SORCS1: variants seen among roughly 807,000 people sequenced by gnomAD.
SORCS1 encodes the protein sortilin related VPS10 domain containing receptor 1.
SORCS1 carries 60 observed loss-of-function variants against 146.1 expected under a neutral mutation model. The observed-to-expected ratio is 0.41, with a 90% CI of 0.33 to 0.51. The LOEUF (loss-of-function observed/expected upper bound fraction) is 0.51, where lower values mean the gene tolerates loss of function less well. Among genes scored for constraint, SORCS1 ranks in the 20% least tolerant of loss-of-function variants. The pLI is 0.21. For synonymous variants in SORCS1, 637 were observed against 584.0 expected (o/e 1.09, Z -1.31); for missense variants, 1,352 against 1,487.6 (o/e 0.91, Z 1.50).
At chr10:107,107,090 G>A (rs145944679) in intron 1 of SORCS1, among the ~76,000 whole-genome samples, 5 of 152,332 alleles carry the variant, frequency 3.3e-5, no homozygotes, top group African/African-American at 9.6e-5. Context: ...AGAACTAGGA[G>A]TGCTGCTATC....
At position 106,574,369 on chromosome 10, in the gene SORCS1, C is replaced by T. The variant is rs1844491017; in HGVS notation, c.*3051G>A. 6.6e-6 allele frequency: 1 copy of T among 152,572 alleles called. No homozygotes were observed. Among genetic ancestry groups the T allele is most frequent in the African/African-American group, 2.4e-5 (1 of 41,422 alleles). 9.5% of individuals were successfully genotyped at this position (152,572 alleles called of 1,614,324 possible). ...AATCTTACCTTCCACATACATCCCT[C>T]CCTACACACTCCTCTGACCTTAAGC... On this transcript the variant is annotated 3_prime_UTR_variant, in exon 26 of 26. Coordinates refer to ENST00000263054, the MANE Select transcript of SORCS1 (RefSeq NM_052918.5).
Position 107,023,872 on chromosome 10 carries a change from C to T in SORCS1, c.559-67292G>A, listed in dbSNP as rs1958265274. Among the ~76,000 whole-genome samples the T allele has an allele frequency of 2.6e-5, 4 of 151,878 alleles. No individual in the cohort carries two copies. The South Asian group carries it at 8.3e-4, about 32-fold the overall frequency. ...GGAAGGTCTTAGTTTATTTGTGTTG[C>T]TCTAAAAAAAAGAGAAACAAAAAGA... On this transcript the variant is annotated intron_variant, in intron 1 of 25. Transcript: ENST00000263054.
intron 2 of SORCS1, among the ~76,000 whole-genome samples, chr10:106,938,775 T>A (rs979349239): frequency 6.6e-6 from 1 of 152,184 alleles, no homozygotes; most frequent in African/African-American, 2.4e-5. Context: ...CATCAGAACA[T>A]CAACCCCTGA....
intron 1 of SORCS1, among the ~76,000 whole-genome samples, chr10:106,967,299 A>C (rs1955540197): frequency 6.6e-6 from 1 of 152,154 alleles, no homozygotes; most frequent in Admixed American, 6.5e-5. Context: ...ACCACTGCAT[A>C]TTCTTCTTCC....
At chr10:107,152,429 G>A (rs529185551) in intron 1 of SORCS1, among the ~76,000 whole-genome samples, 142 of 152,284 alleles carry the variant, frequency 9.3e-4, no homozygotes, top group African/African-American at 3.0e-3. Flanking sequence ...TAGATCCACC[G>A]ACAACTTGTT....
intron 9 of SORCS1, among the ~76,000 whole-genome samples, chr10:106,695,867 G>C (rs1428856850): frequency 6.6e-6 from 1 of 152,088 alleles, no homozygotes; most frequent in Non-Finnish European, 1.5e-5. Flanking sequence ...TCAACACTTT[G>C]TCTCCAGCAT....
intron 6 of SORCS1, among the ~76,000 whole-genome samples, chr10:106,729,661 G>T (rs1310245815): frequency 6.6e-6 from 1 of 151,662 alleles, no homozygotes; most frequent in Non-Finnish European, 1.5e-5. Flanking sequence ...GGGCTGTGCT[G>T]GTATCACCAC....
intron 1 of SORCS1, among the ~76,000 whole-genome samples, chr10:106,972,739 T>C (rs939140972): frequency 6.6e-6 from 1 of 152,172 alleles, no homozygotes; most frequent in Non-Finnish European, 1.5e-5. Context: ...TGAATTACTA[T>C]GGGAATAAAG....
intron 1 of SORCS1, among the ~76,000 whole-genome samples, chr10:107,135,146 G>T (rs1031279779): frequency 6.6e-6 from 1 of 152,150 alleles, no homozygotes; most frequent in Non-Finnish European, 1.5e-5. Context: ...ATTCGTTATG[G>T]TAAATAATTT....
At chr10:107,102,377 G>A (rs1301366546) in intron 1 of SORCS1, among the ~76,000 whole-genome samples, 1 of 152,164 alleles carries the variant, frequency 6.6e-6, no homozygotes, top group Non-Finnish European at 1.5e-5. Flanking sequence ...ATATAGGGAA[G>A]TCATGCAAAA....
At position 106,629,355 on chromosome 10, in the gene SORCS1, A is replaced by G; in HGVS notation, c.2509T>C (p.Phe837Leu). ...DVQRTLIQVDFGDGIAVSYVN... is the reference protein window; with the variant it reads ...DVQRTLIQVDLGDGIAVSYVN... ...TAAGACACCGCGATACCATCGCCAA[A>G]GTCCACTTGGATGAGTGTCCGCTGA... The change falls in exon 19 of 26, where the codon TTT (phenylalanine) becomes CTT (leucine). Residue 837 changes from phenylalanine (F) to leucine (L), a missense_variant. This residue lies in a region of SORCS1 where 648 missense variants were observed against 793.8 expected (regional missense o/e 0.82). Transcript: ENST00000263054. The G allele has an allele frequency of 6.2e-7, 1 of 1,614,166 alleles. No individual in the cohort carries two copies. The highest frequency in any genetic ancestry group is 8.5e-7 in the Non-Finnish European group (1 of 1,180,000).
chr10:106,666,214 G>C (rs952172358), intron 17 of SORCS1, among the ~76,000 whole-genome samples: 1 of 152,176 alleles, frequency 6.6e-6, no homozygotes, highest in Admixed American at 6.6e-5. Flanking sequence ...TCTCTAGTGA[G>C]GGTGGGCCTC....
chr10:106,715,360 C>T (rs558153008), intron 6 of SORCS1, among the ~76,000 whole-genome samples: 1 of 152,334 alleles, frequency 6.6e-6, no homozygotes, highest in Admixed American at 6.5e-5. Flanking sequence ...CATCTTCACT[C>T]TCTGCAACAG....
At chr10:106,943,180 T>C (rs755899243) in intron 2 of SORCS1, among the ~76,000 whole-genome samples, 2 of 152,200 alleles carry the variant, frequency 1.3e-5, no homozygotes, top group Non-Finnish European at 2.9e-5. Flanking sequence ...ACTTCACACA[T>C]ATTTTTCTTA....
At chr10:107,070,969 T>C (rs778337062) in intron 1 of SORCS1, among the ~76,000 whole-genome samples, 8 of 152,102 alleles carry the variant, frequency 5.3e-5, no homozygotes, top group Non-Finnish European at 1.0e-4. Context: ...CCTCAGTCAG[T>C]AACCAGGAGG....
At chr10:106,612,264 C>T (rs1050570578) in intron 21 of SORCS1, among the ~76,000 whole-genome samples, 1 of 151,976 alleles carries the variant, frequency 6.6e-6, no homozygotes, top group Non-Finnish European at 1.5e-5. Flanking sequence ...AAGGAAGAAG[C>T]TCCCCTGTAT....
chr10:107,087,388 A>G (rs952644872), intron 1 of SORCS1, among the ~76,000 whole-genome samples: 1 of 152,146 alleles, frequency 6.6e-6, no homozygotes, highest in African/African-American at 2.4e-5. Context: ...CTGGAGAAAC[A>G]TGTTTTCATT....
chr10:106,703,186 A>T (rs1346805101), intron 8 of SORCS1, among the ~76,000 whole-genome samples: 5 of 151,992 alleles, frequency 3.3e-5, no homozygotes, highest in Admixed American at 6.6e-5. Context: ...TTAAAAAAAA[A>T]AAAAATAAAG....
chr10:107,104,398 C>G (rs1424364066), intron 1 of SORCS1, among the ~76,000 whole-genome samples: 1 of 152,312 alleles, frequency 6.6e-6, no homozygotes, highest in Middle Eastern at 3.4e-3. Flanking sequence ...CTTGAAAGGT[C>G]TGGCTTTCGT....
Sources: gnomAD v4.1 joint callset for allele counts (sites outside exome capture counted in the v4.1 genomes callset) on GRCh38, gnomAD v4.1.1 for gene constraint, gnomAD v4.1.1 regional missense constraint, MANE v1.5 for transcripts, NCBI Gene and HGNC (gene_info 2026-07-23, HGNC 2026-07-21) for gene names.